SHC3: variants seen among roughly 807,000 people sequenced by gnomAD.
SHC3 encodes SHC-transforming protein 3.
Under a neutral mutation model 60.4 loss-of-function variants are expected in SHC3, and 15 were observed. That is an observed-to-expected ratio of 0.25 (90% CI 0.17 to 0.38). The LOEUF is 0.38. Ranked by LOEUF, SHC3 falls within the 10% of genes least tolerant of loss-of-function variation. The probability of loss-of-function intolerance (pLI) is 1.00; values close to 1 mark genes in which losing one functional copy is unlikely to be tolerated. For missense variants in SHC3, 677 were observed against 786.1 expected, an observed-to-expected ratio of 0.86 and a Z score of 1.66; for synonymous variants, 294 against 325.9, an observed-to-expected ratio of 0.90 and a Z score of 1.05.
intron 1 of SHC3, among the ~76,000 whole-genome samples, chr9:89,128,894 C>T (rs9410461): frequency 0.041 from 6,309 of 152,118 alleles, 188 homozygotes; most frequent in Middle Eastern, 0.065. Context: ...CAAAGCTGGA[C>T]GGAGAATGAC....
intron 9 of SHC3, among the ~76,000 whole-genome samples, chr9:89,045,479 A>T (rs796065546): frequency 3.9e-5 from 6 of 152,108 alleles, no homozygotes; most frequent in African/African-American, 1.4e-4. Context: ...GGGTTTCACC[A>T]TGTTAGGCTG....
At chr9:89,024,801 G>C (rs1367109986) in intron 11 of SHC3, among the ~76,000 whole-genome samples, 2 of 152,238 alleles carry the variant, frequency 1.3e-5, no homozygotes, top group Admixed American at 6.5e-5. Context: ...CTCCTGCAGG[G>C]TGGGCTGGGG....
intron 6 of SHC3, among the ~76,000 whole-genome samples, chr9:89,054,520 C>T (rs749160290): frequency 4.6e-5 from 7 of 152,210 alleles, no homozygotes; most frequent in Non-Finnish European, 8.8e-5. Context: ...GACACTTAGC[C>T]AAAAGCCACA....
chr9:89,063,316 G>T (rs1037753797), intron 6 of SHC3, among the ~76,000 whole-genome samples: 3 of 152,220 alleles, frequency 2.0e-5, no homozygotes, highest in Non-Finnish European at 4.4e-5. Context: ...TTTTAGTAGA[G>T]ATGGGGTTTC....
At chr9:89,135,799 T>C (rs1427278432) in intron 1 of SHC3, among the ~76,000 whole-genome samples, 1 of 152,172 alleles carries the variant, frequency 6.6e-6, no homozygotes, top group Non-Finnish European at 1.5e-5. Flanking sequence ...GGATCAATAT[T>C]CTAATTCTCA....
intron 1 of SHC3, among the ~76,000 whole-genome samples, chr9:89,124,016 T>A (rs1362357041): frequency 2.0e-5 from 3 of 152,038 alleles, no homozygotes; most frequent in African/African-American, 7.3e-5. Flanking sequence ...CAATTGTAGC[T>A]AATAATAGAA....
At chr9:89,149,627 AT>A (rs1826517360) in intron 1 of SHC3, among the ~76,000 whole-genome samples, 1 of 152,152 alleles carries the variant, frequency 6.6e-6, no homozygotes, top group Non-Finnish European at 1.5e-5. Context: ...GGTTCATTTT[AT>A]TTAATATAGC....
chr9:89,164,557 A>G (rs998608321), intron 1 of SHC3, among the ~76,000 whole-genome samples: 6 of 152,086 alleles, frequency 3.9e-5, no homozygotes, highest in Non-Finnish European at 7.4e-5. Context: ...CACTCATAAT[A>G]AGGAATTTGG....
chr9:89,055,352 G>C (rs1476621034), intron 6 of SHC3, among the ~76,000 whole-genome samples: 1 of 152,250 alleles, frequency 6.6e-6, no homozygotes, highest in Non-Finnish European at 1.5e-5. Flanking sequence ...ACTGGTGTGA[G>C]GCTTGTTCAT....
At chr9:89,042,942 C>T (rs950152907) in intron 9 of SHC3, among the ~76,000 whole-genome samples, 1 of 152,120 alleles carries the variant, frequency 6.6e-6, no homozygotes, top group African/African-American at 2.4e-5. Flanking sequence ...CACCCAGACC[C>T]TGGGTGAAAG....
Position 89,006,822 on chromosome 9 carries a change from A to G in SHC3, c.*6625T>C, listed in dbSNP as rs1487180662. The G allele has an allele frequency of 6.6e-6, 1 of 152,248 alleles. No individual in the cohort carries two copies. The highest frequency in any genetic ancestry group is 1.9e-4 in the East Asian group (1 of 5,204). The allele number at this position is 152,248 out of a possible 1,614,324, so 9.4% of individuals were successfully genotyped here. A position where few individuals can be genotyped will look rare whatever the true frequency, so the allele number is the denominator to read the frequency against. ...CAACCAACACATAGCTGTTAACAAA[A>G]TTAACCCCATTAATATTTAAAGACG... On this transcript the variant is annotated 3_prime_UTR_variant, in exon 12 of 12. Transcript: ENST00000375835.
At chr9:89,065,339 CAG>C (rs1237906391) in intron 6 of SHC3, among the ~76,000 whole-genome samples, 188 bp downstream of exon 6, 1 of 152,134 alleles carries the variant, frequency 6.6e-6, no homozygotes. Flanking sequence ...GTTTGGTGGT[CAG>C]AGAGGTCCGG....
intron 2 of SHC3, among the ~76,000 whole-genome samples, chr9:89,098,990 A>C (rs1825745268): frequency 6.6e-6 from 1 of 151,814 alleles, no homozygotes; most frequent in South Asian, 2.1e-4. Flanking sequence ...TAAATAAATT[A>C]ATTAATTAAT....
chr9:89,150,551 A>C (rs930781353), intron 1 of SHC3, among the ~76,000 whole-genome samples: 1 of 152,126 alleles, frequency 6.6e-6, no homozygotes, highest in Non-Finnish European at 1.5e-5. Flanking sequence ...ACTCCTTTTT[A>C]TGGCTGAATA....
intron 1 of SHC3, among the ~76,000 whole-genome samples, chr9:89,142,751 C>T (rs753164800): frequency 1.3e-5 from 2 of 151,818 alleles, no homozygotes; most frequent in Non-Finnish European, 2.9e-5. Flanking sequence ...CCTAAGTTGG[C>T]CTCTAACCCA....
intron 5 of SHC3, among the ~76,000 whole-genome samples, chr9:89,068,660 ATT>A (rs75622970): frequency 8.6e-5 from 13 of 151,520 alleles, no homozygotes; most frequent in African/African-American, 3.2e-4. Flanking sequence ...AATGTTTCCA[ATT>A]TTTTTTAAAA....
chr9:89,012,151 A>G lies in SHC3; in HGVS notation c.*1296T>C, dbSNP rs1826021096. On this transcript the variant is annotated 3_prime_UTR_variant, in exon 12 of 12. Transcript: ENST00000375835. ...AGCAAATGGATCCATCTATTCTTTA[A>G]AGGGCATCTGTGAAAATCACAGGGC... 1 of 152,232 alleles carries G rather than the reference A, an allele frequency of 6.6e-6. No individual in the cohort carries two copies. The highest frequency in any genetic ancestry group is 1.5e-5 in the Non-Finnish European group (1 of 68,056). 9.4% of individuals were successfully genotyped at this position (152,232 alleles called of 1,614,324 possible).
chr9:89,046,819 A>T (rs1421334918), intron 8 of SHC3, 25 bp downstream of exon 8: 1 of 1,490,936 alleles, frequency 6.7e-7, no homozygotes, highest in African/African-American at 1.4e-5. Flanking sequence ...CATTCCTTAT[A>T]TAAGAAAAAA....
rs148105294 is a variant in SHC3 at position 89,054,820 on chromosome 9, G to A, written c.836-2657C>T. Among the ~76,000 whole-genome samples the A allele has an allele frequency of 1.4e-3, 207 of 152,326 alleles. 1 individual carries two copies. Among genetic ancestry groups the A allele is most frequent in the African/African-American group, 4.8e-3 (199 of 41,564 alleles). On this transcript the variant is annotated intron_variant, in intron 6 of 11. Coordinates refer to ENST00000375835, the MANE Select transcript of SHC3 (RefSeq NM_016848.6). Reference sequence around the variant, plus strand: ...AGGAAACTGCCCACTGGGGAAACTCGTACCAACAGCCTGCAATAGTTCATT... The same window carrying A: ...AGGAAACTGCCCACTGGGGAAACTCATACCAACAGCCTGCAATAGTTCATT...
Sources: allele counts gnomAD v4.1 joint callset (sites outside exome capture counted in the v4.1 genomes callset), GRCh38; gene constraint gnomAD v4.1.1; transcripts MANE v1.5; gene names NCBI Gene and HGNC (gene_info 2026-07-23, HGNC 2026-07-21).